Variants in TFEB observed in about 807,000 individuals in gnomAD.
The protein encoded by TFEB is transcription factor EB, also known as T-cell transcription factor EB.
In TFEB, 12 loss-of-function variants were observed where a neutral mutation model predicts 48.0. That is an observed-to-expected ratio of 0.25 (90% CI 0.16 to 0.40). The LOEUF is 0.40. Ranked by LOEUF, TFEB falls within the 10% of genes least tolerant of loss-of-function variation. TFEB has a pLI of 1.00. For synonymous variants in TFEB, 244 were observed against 261.4 expected (o/e 0.93, Z 0.64); for missense variants, 509 against 640.3 (o/e 0.79, Z 2.21).
At position 41,733,860 on chromosome 6, in the gene TFEB, C is replaced by T. The variant is rs74796071; in HGVS notation, c.-23+1490G>A. On this transcript the variant is annotated intron_variant, in intron 1 of 8. Transcript: ENST00000373033. ...ACCGAGCGCATCCGCATCTGTCCAC[C>T]CAGAAGGAAACCAGAGACCAGCCTC... 46 of 985,800 alleles carry T rather than the reference C, an allele frequency of 4.7e-5. No homozygotes were observed. The East Asian group carries it at 5.0e-3, about 107-fold the overall frequency. The allele number at this position is 985,800 out of a possible 1,614,324, so 61.1% of individuals were successfully genotyped here.
chr6:41,702,800 G>T (rs1770002181), intron 1 of TFEB, among the ~76,000 whole-genome samples: 1 of 152,202 alleles, frequency 6.6e-6, no homozygotes, highest in Non-Finnish European at 1.5e-5. Flanking sequence ...AGGCCAGAGT[G>T]GGACTGGAAG....
chr6:41,719,344 G>A (rs990283120), intron 1 of TFEB, among the ~76,000 whole-genome samples: 6 of 152,176 alleles, frequency 3.9e-5, no homozygotes, highest in African/African-American at 1.4e-4. Flanking sequence ...CACAATAAAT[G>A]TAATGCTCTT....
At chr6:41,704,054 G>A (rs1770077002) in intron 1 of TFEB, among the ~76,000 whole-genome samples, 1 of 152,136 alleles carries the variant, frequency 6.6e-6, no homozygotes, top group Non-Finnish European at 1.5e-5. Context: ...GGCTAAGCAG[G>A]TGGGTGCAGG....
In TFEB at chr6:41,684,766, C is replaced by A; in HGVS notation, c.1264G>T (p.Gly422Cys). The A allele has an allele frequency of 6.2e-7, 1 of 1,612,284 alleles. No homozygotes were observed. Among genetic ancestry groups the A allele is most frequent in the African/African-American group, 1.3e-5 (1 of 74,978 alleles). Residue 422 changes from glycine (G) to cysteine (C), a missense_variant, in exon 9 of 9, where the codon GGC (glycine) becomes TGC (cysteine). Coordinates refer to ENST00000373033, the MANE Select transcript of TFEB (RefSeq NM_001271944.2). The stretch of plus-strand genomic sequence containing the variant: ...TTGGACAGGCTGGGGAATGGGGAGC[C>A]ATGCCCCGGCGCCAGGGGTTCGGGG... ...GYPEPLAPGH[G>C]SPFPSLSKKD...
At chr6:41,697,021 G>A (rs1769624355) in intron 1 of TFEB, among the ~76,000 whole-genome samples, 1 of 152,166 alleles carries the variant, frequency 6.6e-6, no homozygotes, top group Admixed American at 6.5e-5. Context: ...TGCCATGAGA[G>A]TGTCATATTT....
rs1771094635 is a variant in TFEB, at chr6:41,723,858, G to A, written c.-23+11492C>T. Reference sequence around the variant, plus strand: ...GGCCCTAGGCAGATGGAGAGACACAGAGCAGCAAGAATTTCGCCAGAGTCC... The same window carrying A: ...GGCCCTAGGCAGATGGAGAGACACAAAGCAGCAAGAATTTCGCCAGAGTCC... On this transcript the variant is annotated intron_variant, in intron 1 of 8. Transcript: ENST00000373033. This position sits in a 1 kb window ranked among gnomAD's most constrained non-coding sequence, Gnocchi z 6.0. 1.0e-5 allele frequency: 5 copies of A among 485,530 alleles called. No individual in the cohort carries two copies. The allele number at this position is 485,530 out of a possible 1,614,324, so 30.1% of individuals were successfully genotyped here.
chr6:41,726,244 T>C (rs1224245732), intron 1 of TFEB, among the ~76,000 whole-genome samples: 1 of 152,260 alleles, frequency 6.6e-6, no homozygotes, highest in Non-Finnish European at 1.5e-5. Context: ...CCATTCCATC[T>C]GTATTAAATT....
chr6:41,719,475 C>G (rs1770887148), intron 1 of TFEB, among the ~76,000 whole-genome samples: 1 of 152,122 alleles, frequency 6.6e-6, no homozygotes, highest in Admixed American at 6.5e-5. Flanking sequence ...CACTGAAGGT[C>G]TCCTTCAGGA....
rs1769267980 is a variant in TFEB, at chr6:41,690,841, G to C, written c.290C>G (p.Ser97Cys). Reference sequence around the variant, plus strand: ...AGCAAACTTGTTCCCATAGGTCTCGGACAGGTACTCCCGCACCTTCTGATG... The same window carrying C: ...AGCAAACTTGTTCCCATAGGTCTCGCACAGGTACTCCCGCACCTTCTGATG... ...SQHQKVREYL[S>C]ETYGNKFAAH... Residue 97 changes from serine to cysteine, a missense_variant, in exon 3 of 9, where the codon TCC becomes TGC. Transcript: ENST00000373033. 6.2e-7 allele frequency: 1 copy of C among 1,612,990 alleles called. No homozygotes were observed. The highest frequency in any genetic ancestry group is 1.3e-5 in the African/African-American group (1 of 75,018).
At chr6:41,708,313 C>A (rs1410544913) in intron 1 of TFEB, among the ~76,000 whole-genome samples, 1 of 152,074 alleles carries the variant, frequency 6.6e-6, no homozygotes, top group Non-Finnish European at 1.5e-5. Flanking sequence ...CTTGGCAGAC[C>A]CCCAGGGCTG....
chr6:41,712,628 G>A (rs935118678), intron 1 of TFEB, among the ~76,000 whole-genome samples: 3 of 152,130 alleles, frequency 2.0e-5, no homozygotes, highest in Non-Finnish European at 4.4e-5. Context: ...TCCTCACCAG[G>A]GGCCCAAGGG....
intron 1 of TFEB, among the ~76,000 whole-genome samples, chr6:41,695,166 C>A (rs1224455814): frequency 6.6e-6 from 1 of 152,246 alleles, no homozygotes; most frequent in Non-Finnish European, 1.5e-5. Context: ...AACGCAGCAC[C>A]TGCTAATCAC....
rs11963191 is a variant in TFEB at position 41,723,928 on chromosome 6, C to G, written c.-23+11422G>C. The G allele has an allele frequency of 0.017, 8,842 of 513,138 alleles. 593 individuals are homozygous for G. Among genetic ancestry groups the G allele is most frequent in the African/African-American group, 0.15 (7,703 of 51,724 alleles). 31.8% of individuals were successfully genotyped at this position (513,138 alleles called of 1,614,324 possible). On this transcript the variant is annotated intron_variant, in intron 1 of 8. Transcript: ENST00000373033. This position sits in a 1 kb window ranked among gnomAD's most constrained non-coding sequence, Gnocchi z 6.0. ...GTGGGCCTAACCCTAACCCCAGCCC[C>G]GCTTCCTAGAGACATGTGTCCTTCT...
At chr6:41,733,680 A>T in intron 1 of TFEB, 1 of 985,154 alleles carries the variant, frequency 1.0e-6, no homozygotes, top group Non-Finnish European at 1.2e-6. Context: ...GTTAGCAGGC[A>T]GGGACCTCAA....
At chr6:41,689,693 G>T in intron 4 of TFEB, 38 bp downstream of exon 4, 1 of 1,558,704 alleles carries the variant, frequency 6.4e-7, no homozygotes, top group Non-Finnish European at 8.8e-7. Flanking sequence ...CCCCTCCCTA[G>T]AACCCTTGCA....
At chr6:41,702,812 C>T (rs1770002373) in intron 1 of TFEB, among the ~76,000 whole-genome samples, 1 of 152,214 alleles carries the variant, frequency 6.6e-6, no homozygotes, top group South Asian at 2.1e-4. Context: ...GACTGGAAGA[C>T]CTGCATCGGT....
chr6:41,706,761 C>T (rs898997045), intron 1 of TFEB, among the ~76,000 whole-genome samples: 2 of 151,906 alleles, frequency 1.3e-5, no homozygotes, highest in Non-Finnish European at 2.9e-5. Context: ...CAACAGCCCA[C>T]CAAGTCACCC....
Position 41,684,637 on chromosome 6 carries a change from G to T in TFEB, c.1393C>A (p.Arg465=). 4 of 1,607,398 alleles carry T rather than the reference G, an allele frequency of 2.5e-6. No individual in the cohort carries two copies. The highest frequency in any genetic ancestry group is 2.5e-6 in the Non-Finnish European group (3 of 1,176,962). ...SPEASKASSR[R]SSFSMEEGDV... ...CCCTCCTCCATGCTGAAGCTGCTCC[G>T]GCGGCTGCTGGCCTTGGAGGCCTCG... The change falls in exon 9 of 9, where the codon CGG becomes AGG. Residue 465 remains arginine (R), a synonymous_variant. Transcript: ENST00000373033.
intron 4 of TFEB, among the ~76,000 whole-genome samples, chr6:41,688,970 G>A (rs1310122150): frequency 6.6e-6 from 1 of 152,198 alleles, no homozygotes; most frequent in African/African-American, 2.4e-5. Flanking sequence ...GGTGGAAGGG[G>A]CGCTGGCAAT....
Sources: allele counts gnomAD v4.1 joint callset (sites outside exome capture counted in the v4.1 genomes callset), GRCh38; gene constraint gnomAD v4.1.1; non-coding constraint Gnocchi (gnomAD v3.1); transcripts MANE v1.5; gene names NCBI Gene and HGNC (gene_info 2026-07-23, HGNC 2026-07-21).